Variants in SKAP2 observed in about 807,000 individuals in gnomAD.
The protein encoded by SKAP2 is src kinase-associated phosphoprotein 2.
SKAP2 carries 28 observed loss-of-function variants against 54.9 expected under a neutral mutation model. That is an observed-to-expected ratio of 0.51 (90% CI 0.38 to 0.70). SKAP2 has a LOEUF of 0.70. Among genes scored for constraint, SKAP2 ranks in the 30% least tolerant of loss-of-function variants. The pLI is 0.00. For synonymous variants in SKAP2, 137 were observed against 134.3 expected (o/e 1.02, Z -0.14); for missense variants, 356 against 424.1 (o/e 0.84, Z 1.41).
chr7:26,739,989 A>C, intron 4 of SKAP2, 25 bp from the exon 5 acceptor site: 1 of 1,495,514 alleles, frequency 6.7e-7, no homozygotes. Context: ...GGAGAGAAAA[A>C]AAAAAGCAGT....
At chr7:26,730,879 G>C (rs1787809785) in intron 6 of SKAP2, among the ~76,000 whole-genome samples, 1 of 152,100 alleles carries the variant, frequency 6.6e-6, no homozygotes, top group Non-Finnish European at 1.5e-5. Flanking sequence ...TTTTTAAGCT[G>C]TCAAAAAGAC....
At chr7:26,762,149 A>G (rs755038448) in intron 4 of SKAP2, among the ~76,000 whole-genome samples, 34 of 152,058 alleles carry the variant, frequency 2.2e-4, no homozygotes, top group Non-Finnish European at 4.1e-4. Context: ...AAAAACATCT[A>G]TTGCAGCTAC....
At chr7:26,784,889 A>T (rs759177292) in intron 4 of SKAP2, among the ~76,000 whole-genome samples, 1 of 152,192 alleles carries the variant, frequency 6.6e-6, no homozygotes, top group East Asian at 1.9e-4. Context: ...AAAAACTGTA[A>T]ATAAGAATGA....
chr7:26,790,330 T>TTTTGGTGTCGTTCA (rs1389742756), intron 4 of SKAP2, among the ~76,000 whole-genome samples: 4 of 152,212 alleles, frequency 2.6e-5, no homozygotes, highest in Non-Finnish European at 4.4e-5. Flanking sequence ...TTGTGGCTGA[T>TTTTGGTGTCGTTCA]TTTGGTGTCG....
chr7:26,838,347 T>A (rs950965992), intron 4 of SKAP2, among the ~76,000 whole-genome samples: 3 of 152,140 alleles, frequency 2.0e-5, no homozygotes, highest in Non-Finnish European at 2.9e-5. Context: ...ATCTTCCCCA[T>A]GCAGATCACC....
chr7:26,848,791 A>G (rs1281173712), intron 3 of SKAP2, among the ~76,000 whole-genome samples: 1 of 152,230 alleles, frequency 6.6e-6, no homozygotes, highest in Non-Finnish European at 1.5e-5. Context: ...CTTCAGGAAA[A>G]GTTTCATTCT....
chr7:26,690,076 G>C (rs1786748616), intron 10 of SKAP2, among the ~76,000 whole-genome samples: 1 of 152,146 alleles, frequency 6.6e-6, no homozygotes, highest in African/African-American at 2.4e-5. Flanking sequence ...GGAATACCTT[G>C]TATAAATTGG....
intron 4 of SKAP2, among the ~76,000 whole-genome samples, chr7:26,803,426 C>T (rs764410205): frequency 6.6e-5 from 10 of 152,198 alleles, no homozygotes; most frequent in Non-Finnish European, 7.4e-5. Context: ...GACATCATCT[C>T]ACCCCAGTTA....
At chr7:26,806,370 T>C (rs1212881726) in intron 4 of SKAP2, among the ~76,000 whole-genome samples, 2 of 152,078 alleles carry the variant, frequency 1.3e-5, no homozygotes, top group African/African-American at 2.4e-5. Flanking sequence ...CTGGGCAATA[T>C]AGTGAGACCT....
Position 26,864,558 on chromosome 7 carries a change from C to T in SKAP2, c.-129G>A. 7.0e-7 allele frequency: 1 copy of T among 1,435,668 alleles called. No individual in the cohort carries two copies. Among genetic ancestry groups the T allele is most frequent in the Non-Finnish European group, 9.1e-7 (1 of 1,094,814 alleles). The allele number at this position is 1,435,668 out of a possible 1,614,324, so 88.9% of individuals were successfully genotyped here. On this transcript the variant is annotated 5_prime_UTR_variant, in exon 1 of 13. Coordinates refer to ENST00000345317, the MANE Select transcript of SKAP2 (RefSeq NM_003930.5). ...AGAACAGCGGGGCTACGAGTCGGGA[C>T]ACTGCCGGGCCGGGGCTCACAACAA... is the stretch of plus-strand genomic sequence containing the variant.
intron 9 of SKAP2, among the ~76,000 whole-genome samples, chr7:26,715,054 C>T (rs1056216411): frequency 6.6e-6 from 1 of 151,960 alleles, no homozygotes; most frequent in Admixed American, 6.5e-5. Context: ...AATATCTGAC[C>T]TTCTGGTACA....
At chr7:26,671,882 A>G (rs979839111) in intron 11 of SKAP2, among the ~76,000 whole-genome samples, 6 of 151,956 alleles carry the variant, frequency 3.9e-5, no homozygotes, top group Non-Finnish European at 8.8e-5. Flanking sequence ...TAATAAAACT[A>G]CCCTTTTCTA....
At chr7:26,785,647 C>T (rs1377499621) in intron 4 of SKAP2, among the ~76,000 whole-genome samples, 5 of 152,178 alleles carry the variant, frequency 3.3e-5, no homozygotes, top group African/African-American at 1.2e-4. Context: ...ATCCTCCAAA[C>T]TTGACAAATA....
chr7:26,774,313 A>AAAAAAAT (rs1384978066), intron 4 of SKAP2, among the ~76,000 whole-genome samples: 1 of 152,064 alleles, frequency 6.6e-6, no homozygotes, highest in African/African-American at 2.4e-5. Context: ...ACTCCGTCTC[A>AAAAAAAT]AAAAAATAAA....
At chr7:26,754,191 C>A (rs535790963) in intron 4 of SKAP2, among the ~76,000 whole-genome samples, 2 of 152,002 alleles carry the variant, frequency 1.3e-5, no homozygotes, top group South Asian at 2.1e-4. Flanking sequence ...TGGTGAAACC[C>A]CTTCTCCACT....
At chr7:26,676,915 A>C (rs1786361626) in intron 11 of SKAP2, among the ~76,000 whole-genome samples, 2 of 152,240 alleles carry the variant, frequency 1.3e-5, no homozygotes, top group Non-Finnish European at 2.9e-5. Context: ...GCAGGCGTGA[A>C]GGCCTGCAGA....
chr7:26,812,882 AG>A (rs1784183610), intron 4 of SKAP2, among the ~76,000 whole-genome samples: 1 of 151,774 alleles, frequency 6.6e-6, no homozygotes, highest in South Asian at 2.1e-4. Context: ...CTGGTTTCCC[AG>A]GATCATAAAA....
chr7:26,711,499 G>C (rs1207438510), intron 9 of SKAP2, among the ~76,000 whole-genome samples: 2 of 152,184 alleles, frequency 1.3e-5, no homozygotes, highest in Non-Finnish European at 2.9e-5. Context: ...TATTTGGCTG[G>C]ATTTTTGTCA....
At chr7:26,672,772 T>C (rs1301172516) in intron 11 of SKAP2, among the ~76,000 whole-genome samples, 2 of 152,006 alleles carry the variant, frequency 1.3e-5, no homozygotes, top group African/African-American at 4.8e-5. Context: ...ACTTTTATCA[T>C]TACTATTCTC....
Sources: allele counts gnomAD v4.1 joint callset (sites outside exome capture counted in the v4.1 genomes callset), GRCh38; gene constraint gnomAD v4.1.1; transcripts MANE v1.5; gene names NCBI Gene and HGNC (gene_info 2026-07-23, HGNC 2026-07-21).